The following SMYD4 variants were observed in gnomAD, a reference collection of about 807,000 sequenced individuals.
The protein encoded by SMYD4 is protein-lysine N-methyltransferase SMYD4.
Under a neutral mutation model 72.8 loss-of-function variants are expected in SMYD4, and 68 were observed. The ratio of observed to expected loss-of-function variants is 0.93; its 90% CI spans 0.77 to 1.14. The LOEUF (loss-of-function observed/expected upper bound fraction) is 1.14, where lower values mean the gene tolerates loss of function less well. Among genes scored for constraint, SMYD4 ranks in the 50% most tolerant of loss-of-function variants. The pLI is 0.00. For synonymous variants in SMYD4, 407 were observed against 388.6 expected (o/e 1.05, Z -0.56); for missense variants, 984 against 1,003.7 (o/e 0.98, Z 0.27).
Position 1,787,441 on chromosome 17 carries a change from T to C in SMYD4, c.1701A>G (p.Gln567=). ...IRASQRIRKG[Q]EILHCYGPHK... ...GCTCACCATAGCAGTGGAGAATCTCTTGCCCCTTTCTAATCCGCTGTGACG... is the reference window on the plus strand; with the variant it reads ...GCTCACCATAGCAGTGGAGAATCTCCTGCCCCTTTCTAATCCGCTGTGACG... Residue 567 remains glutamine, a synonymous_variant, in exon 6 of 11, where the codon CAA becomes CAG. Coordinates refer to ENST00000305513, the MANE Select transcript of SMYD4 (RefSeq NM_052928.3). 7 of 1,557,534 alleles carry C rather than the reference T, an allele frequency of 4.5e-6. No homozygotes were observed. The highest frequency in any genetic ancestry group is 2.4e-5 in the South Asian group (2 of 84,416).
At chr17:1,813,247 G>C (rs904565969) in intron 2 of SMYD4, among the ~76,000 whole-genome samples, 1 of 152,166 alleles carries the variant, frequency 6.6e-6, no homozygotes, top group African/African-American at 2.4e-5. Flanking sequence ...CCAGGATCTT[G>C]AGTCTGGAAA....
At chr17:1,816,167 C>T (rs1442711979) in intron 2 of SMYD4, among the ~76,000 whole-genome samples, 2 of 152,150 alleles carry the variant, frequency 1.3e-5, no homozygotes, top group Admixed American at 6.6e-5. Context: ...TGGCAAACTC[C>T]ATTCTGCTTT....
chr17:1,786,481 T>C (rs1158254919), intron 7 of SMYD4, among the ~76,000 whole-genome samples: 1 of 152,198 alleles, frequency 6.6e-6, no homozygotes, highest in Non-Finnish European at 1.5e-5. Flanking sequence ...CCCAAAGTGC[T>C]GGGATAATAG....
At chr17:1,811,025 C>CG (rs1910304774) in intron 3 of SMYD4, among the ~76,000 whole-genome samples, 2 of 152,210 alleles carry the variant, frequency 1.3e-5, no homozygotes, top group African/African-American at 4.8e-5. Flanking sequence ...GGCAAGAACC[C>CG]GGGATACAGG....
chr17:1,803,886 G>T (rs1431044749), intron 4 of SMYD4, among the ~76,000 whole-genome samples: 3 of 143,978 alleles, frequency 2.1e-5, no homozygotes, highest in Admixed American at 7.0e-5. Context: ...AGTTCAGTTA[G>T]TTTTTTTTTT....
intron 4 of SMYD4, 121 bp downstream of exon 4, chr17:1,804,505 C>A: frequency 1.1e-6 from 1 of 872,924 alleles, no homozygotes; most frequent in Non-Finnish European, 1.8e-6. Context: ...GCTTCCAATT[C>A]AACCAATAGC....
At chr17:1,813,530 T>C (rs1053501992) in intron 2 of SMYD4, among the ~76,000 whole-genome samples, 1 of 152,068 alleles carries the variant, frequency 6.6e-6, no homozygotes, top group African/African-American at 2.4e-5. Context: ...AAGTGATTCT[T>C]GTGCCTCAGC....
chr17:1,812,969 C>T (rs963157127), intron 2 of SMYD4, among the ~76,000 whole-genome samples: 35 of 148,124 alleles, frequency 2.4e-4, no homozygotes, highest in African/African-American at 8.0e-4. Flanking sequence ...GACAGAGTTT[C>T]GCTCTGTCAC....
chr17:1,794,720 C>A (rs181494787), intron 5 of SMYD4, among the ~76,000 whole-genome samples: 1 of 117,468 alleles, frequency 8.5e-6, no homozygotes, highest in East Asian at 2.2e-4. Flanking sequence ...AGTACCAAGA[C>A]CTTTCAGTTC....
intron 7 of SMYD4, among the ~76,000 whole-genome samples, chr17:1,785,904 C>T (rs750825061): frequency 9.9e-5 from 15 of 152,180 alleles, no homozygotes; most frequent in East Asian, 3.8e-4. Flanking sequence ...AAGAAGAATA[C>T]GGCACTTGTG....
intron 4 of SMYD4, among the ~76,000 whole-genome samples, chr17:1,801,271 C>G (rs1207969292): frequency 6.6e-6 from 1 of 151,806 alleles, no homozygotes; most frequent in Non-Finnish European, 1.5e-5. Context: ...CGGAGTCTCG[C>G]TCTGTCGCCC....
In SMYD4 at chr17:1,779,821, T is replaced by G. The variant is rs1908278063; in HGVS notation, c.*1465A>C. 6.6e-6 allele frequency: 1 copy of G among 152,668 alleles called. No individual in the cohort carries two copies. Among genetic ancestry groups the G allele is most frequent in the Non-Finnish European group, 1.5e-5 (1 of 68,060 alleles). The allele number at this position is 152,668 out of a possible 1,614,324, so 9.5% of individuals were successfully genotyped here. A position where few individuals can be genotyped will look rare whatever the true frequency, so the allele number is the denominator to read the frequency against. ...GCAGGCTTGCTGATTTCTTGTTTTA[T>G]AATTCTTTTTTAATTACAATGTAAC... On this transcript the variant is annotated 3_prime_UTR_variant, in exon 11 of 11. Transcript: ENST00000305513.
At chr17:1,788,628 C>T (rs1163123197) in intron 5 of SMYD4, among the ~76,000 whole-genome samples, 3 of 151,830 alleles carry the variant, frequency 2.0e-5, no homozygotes, top group African/African-American at 7.3e-5. Context: ...GCCTGTAGTC[C>T]CAGCTACTCA....
At position 1,812,067 on chromosome 17, in the gene SMYD4, C is replaced by T; in HGVS notation, c.183G>A (p.Val61=). ...AAAGAGGAGCGTCCGAGTCCTTTCC[C>T]ACCAAGTAACCTTTAGAAAGTCTTT... The part of the protein sequence containing the change: ...FLKRLSKGYL[V]GKDSDAPLFY... The change falls in exon 3 of 11, where the codon GTG becomes GTA. Residue 61 remains valine, a synonymous_variant. Coordinates refer to ENST00000305513, the MANE Select transcript of SMYD4 (RefSeq NM_052928.3). 1 of 1,614,086 alleles carries T rather than the reference C, an allele frequency of 6.2e-7. No homozygotes were observed. Among genetic ancestry groups the T allele is most frequent in the Non-Finnish European group, 8.5e-7 (1 of 1,180,026 alleles).
intron 5 of SMYD4, 94 bp downstream of exon 5, chr17:1,799,762 GT>G (rs1308408134): frequency 8.2e-7 from 1 of 1,221,290 alleles, no homozygotes; most frequent in African/African-American, 1.5e-5. Context: ...TCAATGATTT[GT>G]TTGAATCCTA....
chr17:1,819,155 G>T (rs760748237), intron 2 of SMYD4, among the ~76,000 whole-genome samples: 1 of 151,908 alleles, frequency 6.6e-6, no homozygotes, highest in Non-Finnish European at 1.5e-5. Context: ...TCAGGAGTTC[G>T]AGACCACCCT....
rs138385036 is a variant in SMYD4, at chr17:1,791,380, T to C, written c.1538-3776A>G. Among the ~76,000 whole-genome samples, 48 of 152,256 alleles carry C rather than the reference T, an allele frequency of 3.2e-4. No individual in the cohort carries two copies. In the East Asian group the frequency reaches 8.9e-3, roughly 28 times the overall value. ...GGGAACTTTGATTAAACAGGATTTA[T>C]GCAAAGATAATAACATACATTTTTA... On this transcript the variant is annotated intron_variant, in intron 5 of 10. Transcript: ENST00000305513.
chr17:1,801,840 G>A (rs1413419539), intron 4 of SMYD4, among the ~76,000 whole-genome samples: 1 of 151,802 alleles, frequency 6.6e-6, no homozygotes, highest in Non-Finnish European at 1.5e-5. Context: ...GCTGGGCGTG[G>A]TGGTGGGCGC....
At position 1,781,353 on chromosome 17, in the gene SMYD4, T is replaced by C. The variant is rs1202778725; in HGVS notation, c.2348A>G (p.Gln783Arg). 1 of 1,613,986 alleles carries C rather than the reference T, an allele frequency of 6.2e-7. No individual in the cohort carries two copies. The highest frequency in any genetic ancestry group is 2.2e-5 in the East Asian group (1 of 44,892). ...ACAGGATTTCATCTTCTGGAGCTCC[T>C]GGATTTCATCGTCCCATGGGCCACA... ...LHCGPWDDEIQELQKMKSCLL... is the reference protein window; with the variant it reads ...LHCGPWDDEIRELQKMKSCLL... Residue 783 changes from glutamine to arginine, a missense_variant, in exon 11 of 11, where the codon CAG (glutamine) becomes CGG (arginine). Transcript: ENST00000305513.
Sources: gnomAD v4.1 joint callset for allele counts (sites outside exome capture counted in the v4.1 genomes callset) on GRCh38, gnomAD v4.1.1 for gene constraint, MANE v1.5 for transcripts, NCBI Gene and HGNC (gene_info 2026-07-23, HGNC 2026-07-21) for gene names.